MAGEC3: variants seen among roughly 807,000 people sequenced by gnomAD.
MAGEC3 encodes the protein MAGE family member C3.
MAGEC3 carries 34 observed loss-of-function variants against 35.3 expected under a neutral mutation model. The observed-to-expected ratio is 0.96, with a 90% CI of 0.73 to 1.28. The LOEUF (loss-of-function observed/expected upper bound fraction) is 1.28. Among genes scored for constraint, MAGEC3 ranks in the 50% most tolerant of loss-of-function variants. The probability of loss-of-function intolerance (pLI) is 0.00; values close to 1 mark genes in which losing one functional copy is unlikely to be tolerated. For missense variants in MAGEC3, 561 were observed against 483.6 expected (o/e 1.16, Z -1.50); for synonymous variants, 202 against 185.6 (o/e 1.09, Z -0.72).
chrX:141,867,627 T>G (rs1327950742), intron 2 of MAGEC3, among the ~76,000 whole-genome samples: 1 of 112,101 alleles, frequency 8.9e-6, no homozygotes, highest in Non-Finnish European at 1.9e-5. Context: ...ATGCATTATT[T>G]TTTGTTAGTA....
Position 141,895,467 on chromosome X carries a change from T to TG in MAGEC3, c.1049-17dup. Reference sequence around the variant, plus strand: ...ACCAAGGACAGAAGAAGCCCCGGTCTGCCCTGCGCTGCCATAGGACTTGCA... The same window carrying TG: ...ACCAAGGACAGAAGAAGCCCCGGTCTGGCCCTGCGCTGCCATAGGACTTGCA... On this transcript the variant is annotated splice_polypyrimidine_tract_variant and intron_variant, in intron 5 of 7. Transcript: ENST00000298296. 1 of 1,210,636 alleles carries TG rather than the reference T, an allele frequency of 8.3e-7. No homozygotes were observed. Among genetic ancestry groups the TG allele is most frequent in the Non-Finnish European group, 1.1e-6 (1 of 895,076 alleles).
chrX:141,861,482 C>T (rs970834441), intron 1 of MAGEC3, among the ~76,000 whole-genome samples: 5 of 111,543 alleles, frequency 4.5e-5, no homozygotes, highest in African/African-American at 1.6e-4. Flanking sequence ...CCAAAGTAAT[C>T]CTCAGCAAAA....
chrX:141,843,473 A>G (rs2017697912), intron 1 of MAGEC3, among the ~76,000 whole-genome samples: 1 of 111,705 alleles, frequency 9.0e-6, no homozygotes, highest in Non-Finnish European at 1.9e-5. Context: ...TTGTGCATAC[A>G]TTGTCCAATT....
intron 1 of MAGEC3, among the ~76,000 whole-genome samples, chrX:141,852,111 T>C (rs1256081660): frequency 9.1e-6 from 1 of 109,424 alleles, no homozygotes; most frequent in African/African-American, 3.3e-5. Flanking sequence ...TTTTTTTTTT[T>C]TTTCAAATCA....
At chrX:141,843,931 G>T (rs1203407085) in intron 1 of MAGEC3, among the ~76,000 whole-genome samples, 1 of 110,187 alleles carries the variant, frequency 9.1e-6, no homozygotes, top group East Asian at 2.9e-4. Flanking sequence ...CCTTATCCAG[G>T]GATTGCCACC....
At chrX:141,867,048 C>A (rs745376690) in intron 2 of MAGEC3, among the ~76,000 whole-genome samples, 15 of 107,074 alleles carry the variant, frequency 1.4e-4, no homozygotes, top group East Asian at 8.8e-4. Flanking sequence ...AAAAAAAAAA[C>A]CACCACTAAT....
intron 1 of MAGEC3, among the ~76,000 whole-genome samples, chrX:141,849,151 C>T (rs773438616): frequency 2.7e-5 from 3 of 110,740 alleles, no homozygotes; most frequent in Non-Finnish European, 5.7e-5. Context: ...TGATATTTGA[C>T]GAGGCCAACG....
chrX:141,859,882 A>G (rs1316044452), intron 1 of MAGEC3, among the ~76,000 whole-genome samples: 1 of 112,020 alleles, frequency 8.9e-6, no homozygotes, highest in Non-Finnish European at 1.9e-5. Flanking sequence ...CTAATGACAG[A>G]AAAGCTTTTT....
At chrX:141,892,949 A>C (rs902604973) in intron 4 of MAGEC3, among the ~76,000 whole-genome samples, 2 of 112,648 alleles carry the variant, frequency 1.8e-5, no homozygotes, top group African/African-American at 6.5e-5. Flanking sequence ...CACATATCTG[A>C]TAAAAGATGT....
At chrX:141,844,623 A>G (rs915503520) in intron 1 of MAGEC3, among the ~76,000 whole-genome samples, 1 of 111,265 alleles carries the variant, frequency 9.0e-6, no homozygotes, top group African/African-American at 3.3e-5. Flanking sequence ...TTTTAGTTAC[A>G]TATATGTGAG....
chrX:141,881,824 T>C lies in MAGEC3; in HGVS notation c.909+28T>C, dbSNP rs766687136. On this transcript the variant is annotated intron_variant, in intron 4 of 7. Coordinates refer to ENST00000298296, the MANE Select transcript of MAGEC3 (RefSeq NM_138702.1). ...GTGTGCTCAGAGGGAGCATTTCGTCTATCGGGAGCCCAGGGAGCTTGTCAC... is the reference window on the plus strand; with the variant it reads ...GTGTGCTCAGAGGGAGCATTTCGTCCATCGGGAGCCCAGGGAGCTTGTCAC... 12 of 1,208,056 alleles carry C rather than the reference T, an allele frequency of 9.9e-6. 1 individual carries two copies. The Admixed American group carries it at 1.1e-4, about 11-fold the overall frequency.
chrX:141,849,580 G>T (rs5908059), intron 1 of MAGEC3, among the ~76,000 whole-genome samples: 38,275 of 109,757 alleles, frequency 0.35, 5,335 homozygotes, highest in Non-Finnish European at 0.43. Context: ...AATTAGTAAA[G>T]GACATAAGCA....
intron 2 of MAGEC3, among the ~76,000 whole-genome samples, chrX:141,878,166 A>G (rs1020914181): frequency 1.8e-5 from 2 of 109,991 alleles, no homozygotes; most frequent in Non-Finnish European, 3.8e-5. Context: ...ATTGACTTTG[A>G]CTGGGATTTA....
At chrX:141,881,834 C>T (rs2017968678) in intron 4 of MAGEC3, 38 bp downstream of exon 4, 1 of 1,205,970 alleles carries the variant, frequency 8.3e-7, no homozygotes, top group Admixed American at 2.2e-5. Context: ...TATCGGGAGC[C>T]CAGGGAGCTT....
At position 141,897,413 on chromosome X, in the gene MAGEC3, T is replaced by C; in HGVS notation, c.1655T>C (p.Ile552Thr). 1 of 1,211,764 alleles carries C rather than the reference T, an allele frequency of 8.3e-7. No homozygotes were observed. The highest frequency in any genetic ancestry group is 1.1e-6 in the Non-Finnish European group (1 of 895,529). The change falls in exon 7 of 8, where the codon ATT (isoleucine) becomes ACT (threonine). Residue 552 changes from isoleucine to threonine, a missense_variant. Coordinates refer to ENST00000298296, the MANE Select transcript of MAGEC3 (RefSeq NM_138702.1). Reference sequence around the variant, plus strand: ...CCCAAGAACTGTCTCCTGATTCTTATTCTCAGTATGATCTTCATAAAGGGC... The same window carrying C: ...CCCAAGAACTGTCTCCTGATTCTTACTCTCAGTATGATCTTCATAAAGGGC... ...GMPKNCLLIL[I>T]LSMIFIKGSC...
chrX:141,845,271 T>C (rs2017709288), intron 1 of MAGEC3, among the ~76,000 whole-genome samples: 1 of 111,265 alleles, frequency 9.0e-6, no homozygotes, highest in African/African-American at 3.2e-5. Flanking sequence ...AAAACTTGCA[T>C]ACAGATATTG....
In MAGEC3 at chrX:141,838,464, TC is replaced by T. The variant is rs758729507; in HGVS notation, c.123+27del. On this transcript the variant is annotated intron_variant, in intron 1 of 7. Coordinates refer to ENST00000298296, the MANE Select transcript of MAGEC3 (RefSeq NM_138702.1). Reference sequence around the variant, plus strand: ...GTGTGGTAGCCCATGAATGCTCATGTCTAAGCCCCAGGTTAACAGCCAGCTC... The same window carrying T: ...GTGTGGTAGCCCATGAATGCTCATGTTAAGCCCCAGGTTAACAGCCAGCTC... The T allele has an allele frequency of 3.1e-5, 37 of 1,192,232 alleles. No individual in the cohort carries two copies. In the South Asian group the frequency reaches 6.6e-4, roughly 21 times the overall value.
intron 1 of MAGEC3, chrX:141,839,701 C>G: frequency 1.3e-6 from 1 of 741,565 alleles, no homozygotes. Flanking sequence ...GCTTTACTAG[C>G]TTTTTAATAT....
intron 2 of MAGEC3, among the ~76,000 whole-genome samples, chrX:141,877,210 C>T (rs1215626689): frequency 2.7e-5 from 3 of 111,370 alleles, no homozygotes; most frequent in African/African-American, 9.8e-5. Context: ...GTTAATATGC[C>T]TCAACAGCAT....
Sources: gnomAD v4.1 joint callset for allele counts (sites outside exome capture counted in the v4.1 genomes callset) on GRCh38, gnomAD v4.1.1 for gene constraint, MANE v1.5 for transcripts, NCBI Gene and HGNC (gene_info 2026-07-23, HGNC 2026-07-21) for gene names.